The following LNPEP variants were observed in gnomAD, a reference collection of about 807,000 sequenced individuals.
The protein encoded by LNPEP is leucyl and cystinyl aminopeptidase, also known as leucyl-cystinyl aminopeptidase.
In LNPEP, 64 loss-of-function variants were observed where a neutral mutation model predicts 120.6. The ratio of observed to expected loss-of-function variants is 0.53; its 90% confidence interval spans 0.43 to 0.65. The LOEUF (loss-of-function observed/expected upper bound fraction) is 0.65. LNPEP is among the 30% of genes least tolerant of loss of function. LNPEP has a pLI of 0.00. For synonymous variants in LNPEP, 435 were observed against 425.4 expected (o/e 1.02, Z -0.28); for missense variants, 1,057 against 1,200.0 (o/e 0.88, Z 1.76).
chr5:96,954,750 A>G (rs1789411504), intron 1 of LNPEP, among the ~76,000 whole-genome samples: 3 of 27,968 alleles, frequency 1.1e-4, no homozygotes, highest in Admixed American at 9.4e-4. Context: ...ATATATACAC[A>G]TATATATATA....
At chr5:96,983,076 A>T (rs1333683443) in intron 2 of LNPEP, among the ~76,000 whole-genome samples, 1 of 151,942 alleles carries the variant, frequency 6.6e-6, no homozygotes, top group Admixed American at 6.6e-5. Context: ...GGACGTTGGG[A>T]TGTATGAGAT....
intron 1 of LNPEP, among the ~76,000 whole-genome samples, chr5:96,967,151 G>T (rs896380064): frequency 2.6e-5 from 4 of 152,014 alleles, no homozygotes; most frequent in Non-Finnish European, 5.9e-5. Context: ...TAAGACATTT[G>T]TCAAATGGCT....
At chr5:96,951,843 CTTTCTGTATTTAT>C (rs886332070) in intron 1 of LNPEP, among the ~76,000 whole-genome samples, 1 of 151,882 alleles carries the variant, frequency 6.6e-6, no homozygotes, top group African/African-American at 2.4e-5. Flanking sequence ...GCAATTCAGA[CTTTCTGTATTTAT>C]TTACTTTGTG....
intron 11 of LNPEP, chr5:97,011,137 A>G (rs1582026322): frequency 5.1e-6 from 5 of 985,330 alleles, no homozygotes; most frequent in African/African-American, 3.5e-5. Flanking sequence ...TAGTGGAACA[A>G]TTGTCATAGC....
At chr5:96,941,563 G>C (rs1446719226) in intron 1 of LNPEP, among the ~76,000 whole-genome samples, 2 of 152,090 alleles carry the variant, frequency 1.3e-5, no homozygotes, top group African/African-American at 4.8e-5. Context: ...AGAATGAAGG[G>C]ACATTTTGGA....
At chr5:96,980,192 T>A (rs1231723290) in intron 2 of LNPEP, among the ~76,000 whole-genome samples, 2 of 152,166 alleles carry the variant, frequency 1.3e-5, no homozygotes, top group Non-Finnish European at 2.9e-5. Flanking sequence ...AGGGGTGTGC[T>A]GGTGGAAAAG....
Position 97,032,637 on chromosome 5 carries a change from T to A in LNPEP, c.*4104T>A, listed in dbSNP as rs1362015913. 6.6e-6 allele frequency: 1 copy of A among 152,250 alleles called. No individual in the cohort carries two copies. The highest frequency in any genetic ancestry group is 2.4e-5 in the African/African-American group (1 of 41,472). The allele number at this position is 152,250 out of a possible 1,614,324, so 9.4% of individuals were successfully genotyped here. A position where few individuals can be genotyped will look rare whatever the true frequency, so the allele number is the denominator to read the frequency against. ...AGACTAGTTATTTGGTTTCCTTCTT[T>A]GGAAGAAGGTGGTGATGTTGAGAGG... On this transcript the variant is annotated 3_prime_UTR_variant, in exon 18 of 18. Coordinates refer to ENST00000231368, the MANE Select transcript of LNPEP (RefSeq NM_005575.3).
Position 97,005,335 on chromosome 5 carries a change from G to T in LNPEP, c.1786-738G>T, listed in dbSNP as rs543436002. ...ACCCACCTGCTTTAAAGAGACTGTT[G>T]TTCAAAAATTGCTTCTTAGTTATTG... is the stretch of plus-strand genomic sequence containing the variant. On this transcript the variant is annotated intron_variant, in intron 9 of 17. Coordinates refer to ENST00000231368, the MANE Select transcript of LNPEP (RefSeq NM_005575.3). Among the ~76,000 whole-genome samples the T allele has an allele frequency of 2.6e-5, 4 of 152,144 alleles. No individual in the cohort carries two copies. In the East Asian group the frequency reaches 7.7e-4, roughly 29 times the overall value.
At chr5:96,983,323 G>A (rs953814810) in intron 2 of LNPEP, among the ~76,000 whole-genome samples, 4 of 152,188 alleles carry the variant, frequency 2.6e-5, no homozygotes, top group Non-Finnish European at 2.9e-5. Context: ...TATATTTGCC[G>A]TGATTATAGC....
intron 13 of LNPEP, among the ~76,000 whole-genome samples, chr5:97,019,789 C>T (rs1381069104): frequency 6.6e-6 from 1 of 151,724 alleles, no homozygotes; most frequent in Non-Finnish European, 1.5e-5. Context: ...TCATTTGTTC[C>T]TATTTGACAG....
At position 96,958,629 on chromosome 5, in the gene LNPEP, T is replaced by C. The variant is rs113408000; in HGVS notation, c.20-20509T>C. The C allele has an allele frequency of 1.1e-3, 369 of 347,054 alleles. 1 individual carries two copies. Among genetic ancestry groups the C allele is most frequent in the African/African-American group, 6.4e-3 (287 of 44,934 alleles). The allele number at this position is 347,054 out of a possible 1,614,324, so 21.5% of individuals were successfully genotyped here. The stretch of plus-strand genomic sequence containing the variant: ...GGTCAGAAGCCTGATACGGATCTCA[T>C]TGGGCTAAAACGAAGGAGTTGGCAG... On this transcript the variant is annotated intron_variant, in intron 1 of 17. Transcript: ENST00000231368.
At chr5:96,943,994 A>G (rs539664402) in intron 1 of LNPEP, among the ~76,000 whole-genome samples, 19 of 152,314 alleles carry the variant, frequency 1.2e-4, no homozygotes, top group African/African-American at 4.6e-4. Flanking sequence ...GAGGGAACAG[A>G]AGAATGAGGA....
intron 2 of LNPEP, among the ~76,000 whole-genome samples, chr5:96,980,194 G>T (rs1311407514): frequency 6.6e-6 from 1 of 152,096 alleles, no homozygotes; most frequent in Non-Finnish European, 1.5e-5. Context: ...GGGTGTGCTG[G>T]TGGAAAAGGA....
intron 17 of LNPEP, 59 bp from the exon 18 acceptor site, chr5:97,028,343 G>C: frequency 1.3e-6 from 2 of 1,516,744 alleles, no homozygotes; most frequent in South Asian, 2.3e-5. Flanking sequence ...AAAAGCTGGG[G>C]TTACCTGAGG....
intron 3 of LNPEP, 103 bp downstream of exon 3, chr5:96,985,321 CAT>C (rs1007670434): frequency 1.1e-6 from 1 of 921,534 alleles, no homozygotes; most frequent in Non-Finnish European, 1.6e-6. Context: ...TGATTAAAAT[CAT>C]ATACATTAAT....
intron 8 of LNPEP, among the ~76,000 whole-genome samples, chr5:97,002,997 T>A (rs1349459431): frequency 1.3e-5 from 2 of 152,214 alleles, no homozygotes; most frequent in East Asian, 3.8e-4. Flanking sequence ...CTTGTCAATT[T>A]ATTGTGTCTC....
chr5:96,998,315 T>G (rs1790565591), intron 8 of LNPEP, among the ~76,000 whole-genome samples, 170 bp downstream of exon 8: 1 of 152,176 alleles, frequency 6.6e-6, no homozygotes, highest in African/African-American at 2.4e-5. Context: ...AACTTTTTTG[T>G]GGGTTTTTTT....
chr5:97,004,252 C>T (rs1338070848), intron 9 of LNPEP, among the ~76,000 whole-genome samples: 3 of 152,138 alleles, frequency 2.0e-5, no homozygotes, highest in Non-Finnish European at 2.9e-5. Context: ...TGGTGGCTCA[C>T]GCCTGTAATC....
intron 1 of LNPEP, among the ~76,000 whole-genome samples, chr5:96,943,949 T>C (rs549767034): frequency 1.5e-4 from 23 of 152,196 alleles, no homozygotes; most frequent in Non-Finnish European, 2.8e-4. Context: ...GCCAATGATC[T>C]GGGGTGAAGG....
Sources: gnomAD v4.1 joint callset for allele counts (sites outside exome capture counted in the v4.1 genomes callset) on GRCh38, gnomAD v4.1.1 for gene constraint, MANE v1.5 for transcripts, NCBI Gene and HGNC (gene_info 2026-07-23, HGNC 2026-07-21) for gene names.